Variants in GALNT12 observed in about 807,000 individuals in gnomAD.
The protein encoded by GALNT12 is polypeptide N-acetylgalactosaminyltransferase 12.
Under a neutral mutation model 55.5 loss-of-function variants are expected in GALNT12, and 45 were observed. That is an observed-to-expected ratio of 0.81 (90% CI 0.64 to 1.04). GALNT12 has a LOEUF of 1.04. Ranked by LOEUF, GALNT12 falls within the 50% of genes least tolerant of loss-of-function variation. The probability of loss-of-function intolerance (pLI) is 0.00; values close to 1 mark genes in which losing one functional copy is unlikely to be tolerated. For missense variants in GALNT12, 709 were observed against 754.8 expected (o/e 0.94, Z 0.71); for synonymous variants, 304 against 312.2 (o/e 0.97, Z 0.28).
intron 1 of GALNT12, among the ~76,000 whole-genome samples, chr9:98,814,445 A>T (rs549362653): frequency 8.7e-4 from 132 of 152,318 alleles, no homozygotes; most frequent in Non-Finnish European, 1.7e-3. Flanking sequence ...GCAGTGGGTC[A>T]TGCCTGTAAT....
At chr9:98,837,476 A>G (rs4743285) in intron 6 of GALNT12, among the ~76,000 whole-genome samples, 42,536 of 152,088 alleles carry the variant, frequency 0.28, 6,290 homozygotes, top group East Asian at 0.45. Flanking sequence ...CTTGTTTTCT[A>G]TGTGTTTCTG....
At position 98,831,930 on chromosome 9, in the gene GALNT12, G is replaced by A. The variant is rs751386354; in HGVS notation, c.890G>A (p.Arg297Gln). 78 of 1,613,946 alleles carry A rather than the reference G, an allele frequency of 4.8e-5. No homozygotes were observed. Among genetic ancestry groups the A allele is most frequent in the Admixed American group, 1.8e-4 (11 of 59,978 alleles). The change falls in exon 4 of 10, where the codon CGG (arginine) becomes CAG (glutamine). Residue 297 changes from arginine to glutamine, a missense_variant. Arg to Gln is a conservative substitution (Grantham distance 43). Coordinates refer to ENST00000375011, the MANE Select transcript of GALNT12 (RefSeq NM_024642.5). The stretch of plus-strand genomic sequence containing the variant: ...ACAGTTCCTGAGAGGGAGAGGATAC[G>A]GATGCAATCCCCCGTCGATGTCATC... ...WHTVPERERI[R>Q]MQSPVDVIRS...
chr9:98,831,701 T>C (rs1835998863), intron 3 of GALNT12, 71 bp from the exon 4 acceptor site: 3 of 1,551,388 alleles, frequency 1.9e-6, no homozygotes, highest in African/African-American at 2.7e-5. Flanking sequence ...AATTCACCCT[T>C]GAATTTCCCA....
chr9:98,820,123 G>A (rs562349512), intron 1 of GALNT12, among the ~76,000 whole-genome samples: 5 of 152,198 alleles, frequency 3.3e-5, no homozygotes, highest in Admixed American at 2.6e-4. Context: ...ATAGGTACAT[G>A]TGCAGGATAT....
At chr9:98,840,865 T>G (rs772337772) in intron 7 of GALNT12, among the ~76,000 whole-genome samples, 35 of 152,238 alleles carry the variant, frequency 2.3e-4, no homozygotes, top group Non-Finnish European at 5.0e-4. Flanking sequence ...CACATTTTCC[T>G]CTTTTTAAGC....
chr9:98,846,584 G>A (rs1435213932), intron 9 of GALNT12, among the ~76,000 whole-genome samples: 3 of 152,094 alleles, frequency 2.0e-5, no homozygotes, highest in Non-Finnish European at 4.4e-5. Flanking sequence ...AATAGGCCAG[G>A]CACAGTGGCT....
intron 7 of GALNT12, among the ~76,000 whole-genome samples, chr9:98,841,725 C>T (rs960067045): frequency 6.6e-6 from 1 of 151,642 alleles, no homozygotes; most frequent in African/African-American, 2.4e-5. Flanking sequence ...GGCTGGAGTG[C>T]AATGGCGCGC....
intron 8 of GALNT12, 30 bp downstream of exon 8, chr9:98,844,239 C>T (rs770512639): frequency 8.9e-6 from 12 of 1,343,576 alleles, no homozygotes; most frequent in Non-Finnish European, 1.1e-6. Context: ...GAGGAGAAAG[C>T]TGTGTGTTTT....
chr9:98,840,738 A>G (rs1239010925), intron 7 of GALNT12, among the ~76,000 whole-genome samples: 2 of 152,214 alleles, frequency 1.3e-5, no homozygotes, highest in Non-Finnish European at 2.9e-5. Flanking sequence ...ATATTCAAAC[A>G]TATAGAAATG....
chr9:98,826,672 G>A, intron 2 of GALNT12, 80 bp from the exon 3 acceptor site: 1 of 1,369,160 alleles, frequency 7.3e-7, no homozygotes, highest in Non-Finnish European at 1.0e-6. Flanking sequence ...GGACAGGGAG[G>A]CCCAGAAGGC....
rs182667141 is a variant in GALNT12, at chr9:98,842,146, T to A, written c.1345-1950T>A. ...GAGTGTCATTGTAAACTAATGGGTG[T>A]TTAAATAGCCGGTGTGCTTCAATCA... On this transcript the variant is annotated intron_variant, in intron 7 of 9. Transcript: ENST00000375011. Among the ~76,000 whole-genome samples, 284 of 152,116 alleles carry A rather than the reference T, an allele frequency of 1.9e-3. 2 individuals carry two copies. Among genetic ancestry groups the A allele is most frequent in the African/African-American group, 6.6e-3 (272 of 41,486 alleles).
intron 3 of GALNT12, 132 bp downstream of exon 3, chr9:98,827,073 G>A: frequency 1.1e-6 from 1 of 936,574 alleles, no homozygotes; most frequent in African/African-American, 1.6e-5. Flanking sequence ...CTGGGCAGGA[G>A]AGCAGTCCCT....
chr9:98,809,438 T>G lies in GALNT12; in HGVS notation c.371+1369T>G, dbSNP rs546855731. ...GCAAGGTGGAGGGGAAGCTTTCAGG[T>G]TATACCCAGCTTCAGATTAAATCCA... On this transcript the variant is annotated intron_variant, in intron 1 of 9. Coordinates refer to ENST00000375011, the MANE Select transcript of GALNT12 (RefSeq NM_024642.5). 5.9e-5 allele frequency among the ~76,000 whole-genome samples: 9 copies of G among 152,328 alleles called. No individual in the cohort carries two copies. In the South Asian group the frequency reaches 1.9e-3, roughly 32 times the overall value.
intron 4 of GALNT12, among the ~76,000 whole-genome samples, chr9:98,833,220 T>G (rs1273092616): frequency 6.6e-6 from 1 of 151,886 alleles, no homozygotes; most frequent in Non-Finnish European, 1.5e-5. Flanking sequence ...GATGTGGGAG[T>G]TGGGCAGGAG....
In GALNT12 at chr9:98,807,942, GTGCGGCTGCAGCTGCAGGGCGAGGAGC is replaced by G. The variant is rs1588436292; in HGVS notation, c.256_282del (p.Leu86_Gln94del). 8 of 1,380,494 alleles carry G rather than the reference GTGCGGCTGCAGCTGCAGGGCGAGGAGC, an allele frequency of 5.8e-6. No individual in the cohort carries two copies. Among genetic ancestry groups the G allele is most frequent in the Non-Finnish European group, 7.6e-6 (8 of 1,056,626 alleles). 85.5% of individuals were successfully genotyped at this position (1,380,494 alleles called of 1,614,324 possible). On this transcript the variant is annotated inframe_deletion, in exon 1 of 10. Coordinates refer to ENST00000375011, the MANE Select transcript of GALNT12 (RefSeq NM_024642.5). Reference sequence around the variant, plus strand: ...CGCGCTGGGCGCGCGGGGCGAGGCGGTGCGGCTGCAGCTGCAGGGCGAGGAGCTGCGGCTGCAGGAGGAGAGCGTGCG... The same window carrying G: ...CGCGCTGGGCGCGCGGGGCGAGGCGGTGCGGCTGCAGGAGGAGAGCGTGCG...
intron 2 of GALNT12, among the ~76,000 whole-genome samples, chr9:98,826,370 T>C (rs565164530): frequency 3.7e-4 from 57 of 152,234 alleles, no homozygotes; most frequent in Non-Finnish European, 7.5e-4. Context: ...TTATAAAAAT[T>C]GCGATTAGAT....
intron 2 of GALNT12, among the ~76,000 whole-genome samples, chr9:98,825,641 A>G (rs1335697619): frequency 6.6e-6 from 1 of 152,204 alleles, no homozygotes; most frequent in Non-Finnish European, 1.5e-5. Flanking sequence ...TACCTGCCTT[A>G]TTCCTGCCAT....
intron 4 of GALNT12, among the ~76,000 whole-genome samples, chr9:98,832,424 T>C (rs1260587600): frequency 6.6e-6 from 1 of 152,092 alleles, no homozygotes; most frequent in Non-Finnish European, 1.5e-5. Flanking sequence ...AAGGCTGAGA[T>C]AGGAGGATCG....
At chr9:98,833,802 C>T (rs1836063443) in intron 4 of GALNT12, among the ~76,000 whole-genome samples, 1 of 152,094 alleles carries the variant, frequency 6.6e-6, no homozygotes, top group South Asian at 2.1e-4. Context: ...CTTAGGCAGC[C>T]TGTCATGAAT....
Sources: gnomAD v4.1 joint callset for allele counts (sites outside exome capture counted in the v4.1 genomes callset) on GRCh38, gnomAD v4.1.1 for gene constraint, MANE v1.5 for transcripts, NCBI Gene and HGNC (gene_info 2026-07-23, HGNC 2026-07-21) for gene names.